FOXN3: variants seen among roughly 807,000 people sequenced by gnomAD.
FOXN3 encodes the protein forkhead box protein N3.
A neutral mutation model predicts 38.4 loss-of-function variants in FOXN3; 7 were observed. That is an observed-to-expected ratio of 0.18 (90% CI 0.10 to 0.34). The LOEUF is 0.34. Among genes scored for constraint, FOXN3 ranks in the 10% least tolerant of loss-of-function variants. The pLI, the probability that FOXN3 is intolerant of heterozygous loss-of-function variation, is 1.00. For missense variants in FOXN3, 456 were observed against 613.4 expected (o/e 0.74, Z 2.71); for synonymous variants, 230 against 242.2 (o/e 0.95, Z 0.47).
chr14:89,611,634 G>A (rs555598471), intron 1 of FOXN3, among the ~76,000 whole-genome samples: 44 of 152,058 alleles, frequency 2.9e-4, no homozygotes, highest in East Asian at 7.8e-4. Flanking sequence ...GTGAAACCCC[G>A]TCTCTACTAA....
chr14:89,223,795 G>C (rs998179622), intron 4 of FOXN3, among the ~76,000 whole-genome samples: 1 of 152,166 alleles, frequency 6.6e-6, no homozygotes, highest in African/African-American at 2.4e-5. Flanking sequence ...CAATTTGTGT[G>C]AGCATCTTTT....
intron 5 of FOXN3, among the ~76,000 whole-genome samples, chr14:89,165,972 G>C (rs1416165848): frequency 1.3e-5 from 2 of 152,210 alleles, no homozygotes. Flanking sequence ...CAGTTAAGCA[G>C]AACATGATCC....
chr14:89,236,371 C>T (rs190766508), intron 4 of FOXN3, among the ~76,000 whole-genome samples: 30 of 152,204 alleles, frequency 2.0e-4, no homozygotes, highest in Admixed American at 6.5e-4. Context: ...AAAAATTAGC[C>T]GGGTGTAGAG....
At chr14:89,497,523 C>T (rs1893711176) in intron 1 of FOXN3, among the ~76,000 whole-genome samples, 1 of 151,062 alleles carries the variant, frequency 6.6e-6, no homozygotes, top group African/African-American at 2.4e-5. Context: ...TCTTCTGCCT[C>T]AGCCTCCCCA....
At chr14:89,202,663 G>A (rs538659451) in intron 4 of FOXN3, among the ~76,000 whole-genome samples, 96 of 152,162 alleles carry the variant, frequency 6.3e-4, no homozygotes, top group African/African-American at 2.1e-3. Flanking sequence ...ATGTGTTCCC[G>A]TGAGAGCTGG....
chr14:89,281,698 T>G (rs1886466347), intron 3 of FOXN3, among the ~76,000 whole-genome samples: 1 of 152,214 alleles, frequency 6.6e-6, no homozygotes, highest in Non-Finnish European at 1.5e-5. Flanking sequence ...TTTTCACTGT[T>G]TTAAGACAGC....
intron 1 of FOXN3, chr14:89,576,488 T>C (rs186701575): frequency 4.7e-4 from 72 of 151,772 alleles, no homozygotes; most frequent in African/African-American, 1.6e-3. Context: ...GGAATCTGAA[T>C]GTTAAGCTTT....
intron 2 of FOXN3, among the ~76,000 whole-genome samples, chr14:89,405,659 T>C (rs1891368636): frequency 2.0e-5 from 3 of 152,138 alleles, no homozygotes; most frequent in Admixed American, 2.0e-4. Context: ...TCTGTGCAGA[T>C]GCAAGAACTT....
At chr14:89,330,625 G>A (rs1034125158) in intron 3 of FOXN3, among the ~76,000 whole-genome samples, 1 of 152,206 alleles carries the variant, frequency 6.6e-6, no homozygotes, top group African/African-American at 2.4e-5. Context: ...CTGATGAAAG[G>A]GGTGAGACCA....
At chr14:89,554,600 G>A (rs1895075742) in intron 1 of FOXN3, among the ~76,000 whole-genome samples, 1 of 152,038 alleles carries the variant, frequency 6.6e-6, no homozygotes, top group Admixed American at 6.6e-5. Context: ...AGAATATGCA[G>A]TGAAAACTTT....
At chr14:89,206,496 C>T (rs1020356828) in intron 4 of FOXN3, among the ~76,000 whole-genome samples, 1 of 152,118 alleles carries the variant, frequency 6.6e-6, no homozygotes, top group African/African-American at 2.4e-5. Context: ...AGGGTAAGAT[C>T]GACGGAAGAT....
At chr14:89,540,606 G>A (rs567361957) in intron 1 of FOXN3, among the ~76,000 whole-genome samples, 8 of 152,178 alleles carry the variant, frequency 5.3e-5, no homozygotes, top group South Asian at 4.2e-4. Flanking sequence ...GAGCGTGGTC[G>A]CACGCACCTG....
Position 89,253,391 on chromosome 14 carries a change from G to C in FOXN3, c.745+27559C>G, listed in dbSNP as rs1351446913. Reference sequence around the variant, plus strand: ...TTGCATGGCCTCAAGGTGGAGATTCGGTTCCAGTTTTCACCACTCCGTGAG... The same window carrying C: ...TTGCATGGCCTCAAGGTGGAGATTCCGTTCCAGTTTTCACCACTCCGTGAG... On this transcript the variant is annotated intron_variant, in intron 4 of 5. Transcript: ENST00000557258. Among the ~76,000 whole-genome samples the C allele has an allele frequency of 5.3e-5, 8 of 152,194 alleles. No individual in the cohort carries two copies. The South Asian group carries it at 1.2e-3, about 24-fold the overall frequency.
At chr14:89,199,905 GACAACAACA>G (rs367780395) in intron 4 of FOXN3, among the ~76,000 whole-genome samples, 98 of 151,658 alleles carry the variant, frequency 6.5e-4, no homozygotes, top group African/African-American at 2.2e-3. Context: ...CTCCATCTCA[GACAACAACA>G]ACAACAACAA....
At chr14:89,325,648 G>T (rs72701662) in intron 3 of FOXN3, among the ~76,000 whole-genome samples, 48,706 of 152,100 alleles carry the variant, frequency 0.32, 8,240 homozygotes, top group African/African-American at 0.45. Context: ...TGATCTCATT[G>T]AATAGACACT....
chr14:89,468,476 T>C lies in FOXN3; in HGVS notation c.-14-55986A>G, dbSNP rs199823497. ...CTCAAAACACACACACACACACACA[T>C]ACACACACACACACTTGGTTTGTAC... On this transcript the variant is annotated intron_variant, in intron 1 of 6. Coordinates refer to the FOXN3 transcript ENST00000345097. Among the ~76,000 whole-genome samples, 1,238 of 142,198 alleles carry C rather than the reference T, an allele frequency of 8.7e-3. 11 individuals carry two copies. Among genetic ancestry groups the C allele is most frequent in the African/African-American group, 0.03 (1,177 of 39,346 alleles). The allele number at this position is 142,198 out of a possible 152,430, so 93.3% of individuals were successfully genotyped here.
chr14:89,395,534 G>C (rs759370), intron 2 of FOXN3, among the ~76,000 whole-genome samples: 127,611 of 152,022 alleles, frequency 0.84, 53,596 homozygotes, highest in South Asian at 0.91. Context: ...TGACATACAC[G>C]AAGGTGTACA....
Position 89,162,902 on chromosome 14 carries a change from C to G in FOXN3, c.919G>C (p.Gly307Arg). 1 of 1,601,436 alleles carries G rather than the reference C, an allele frequency of 6.2e-7. No homozygotes were observed. The highest frequency in any genetic ancestry group is 8.5e-7 in the Non-Finnish European group (1 of 1,172,530). Residue 307 changes from glycine (G) to arginine (R), a missense_variant, in exon 6 of 6, where the codon GGA (glycine) becomes CGA (arginine). Around this residue, in one of 3 missense-constraint regions of FOXN3, gnomAD observed 386 missense variants for 505.2 expected, o/e 0.76. Transcript: ENST00000557258. The surrounding 1 kb of genome is among the most constrained non-coding windows in gnomAD (Gnocchi z 7.2). ...TAGTTGTGATCCTCCTTGGGGTCTC[C>G]GCTGACCACTGGGGAGCCACAAGAT... is the stretch of plus-strand genomic sequence containing the variant. ...EPSCGSPVVS[G>R]DPKEDHNYSS...
At chr14:89,297,180 C>T (rs2139941501) in intron 3 of FOXN3, among the ~76,000 whole-genome samples, 1 of 152,220 alleles carries the variant, frequency 6.6e-6, no homozygotes. Flanking sequence ...AAGACATTAC[C>T]CAAACTAATG....
Sources: gnomAD v4.1 joint callset for allele counts (sites outside exome capture counted in the v4.1 genomes callset) on GRCh38, gnomAD v4.1.1 for gene constraint, gnomAD v4.1.1 regional missense constraint, Gnocchi (gnomAD v3.1) non-coding constraint, MANE v1.5 for transcripts, NCBI Gene and HGNC (gene_info 2026-07-23, HGNC 2026-07-21) for gene names.